Variants in SPRR2B observed in about 807,000 individuals in gnomAD.
The protein encoded by SPRR2B is small proline-rich protein 2B.
Under a neutral mutation model 1.0 loss-of-function variants are expected in SPRR2B, and 1 was observed. The ratio of observed to expected loss-of-function variants is 1.01; its 90% CI spans 0.36 to 4.77. The LOEUF (loss-of-function observed/expected upper bound fraction) is 4.77, where lower values mean the gene tolerates loss of function less well. Among genes scored for constraint, SPRR2B ranks in the 30% most tolerant of loss-of-function variants. SPRR2B has a pLI of 0.16. For synonymous variants in SPRR2B, 27 were observed against 33.4 expected (o/e 0.81, Z 0.66); for missense variants, 53 against 88.7 (o/e 0.60, Z 1.62).
chr1:153,079,620 G>A, the SPRR2B span, among the ~76,000 whole-genome samples: 1 of 152,110 alleles, frequency 6.6e-6, no homozygotes, highest in South Asian at 2.1e-4. Flanking sequence ...ATTAAATAAG[G>A]AATCCTTTCC....
the SPRR2B span, among the ~76,000 whole-genome samples, chr1:153,080,323 T>C: frequency 1.3e-5 from 2 of 152,020 alleles, no homozygotes; most frequent in African/African-American, 4.8e-5. Context: ...TTGGACCAAA[T>C]AGACAAATAT....
At chr1:153,076,404 T>C (rs77589830), upstream of SPRR2B, among the ~76,000 whole-genome samples, 521 of 152,316 alleles carry the variant, frequency 3.4e-3, 1 homozygote, top group African/African-American at 0.012. Flanking sequence ...AATGATGGAA[T>C]AATTCAGATA....
At chr1:153,083,418 A>T in the SPRR2B span, among the ~76,000 whole-genome samples, 1 of 152,182 alleles carries the variant, frequency 6.6e-6, no homozygotes, top group Non-Finnish European at 1.5e-5. Flanking sequence ...TATGATGCAC[A>T]AAAGACTCAA....
At chr1:153,078,736 G>A in the SPRR2B span, among the ~76,000 whole-genome samples, 1 of 152,164 alleles carries the variant, frequency 6.6e-6, no homozygotes, top group African/African-American at 2.4e-5. Flanking sequence ...GTGTATATGT[G>A]CCACATTTTC....
upstream of SPRR2B, among the ~76,000 whole-genome samples, chr1:153,076,370 T>C (rs1381755425): frequency 1.3e-5 from 2 of 152,200 alleles, no homozygotes; most frequent in Non-Finnish European, 2.9e-5. Context: ...TTAGTGTTAA[T>C]GAGATTCAGA....
the SPRR2B span, among the ~76,000 whole-genome samples, chr1:153,079,645 T>C: frequency 1.3e-5 from 2 of 152,224 alleles, no homozygotes; most frequent in African/African-American, 2.4e-5. Context: ...TGCTTGTTTT[T>C]GTCAGGTTTG....
At chr1:153,079,432 C>T in the SPRR2B span, among the ~76,000 whole-genome samples, 1 of 152,146 alleles carries the variant, frequency 6.6e-6, no homozygotes, top group African/African-American at 2.4e-5. Context: ...GGCATGAAGT[C>T]CTTGCCCATG....
upstream of SPRR2B, among the ~76,000 whole-genome samples, chr1:153,073,461 C>T (rs1654713135): frequency 6.6e-6 from 1 of 152,084 alleles, no homozygotes; most frequent in South Asian, 2.1e-4. Context: ...TGAGAACACC[C>T]CACTCAAACA....
At chr1:153,076,505 A>G (rs568083366), upstream of SPRR2B, among the ~76,000 whole-genome samples, 9 of 152,340 alleles carry the variant, frequency 5.9e-5, no homozygotes, top group East Asian at 1.7e-3. Flanking sequence ...AAAGAAACAC[A>G]AACAAAATTG....
chr1:153,079,683 A>T, the SPRR2B span, among the ~76,000 whole-genome samples: 77 of 152,046 alleles, frequency 5.1e-4, no homozygotes, highest in African/African-American at 1.6e-3. Context: ...GTAGATATGC[A>T]GCATTATTTC....
the SPRR2B span, among the ~76,000 whole-genome samples, chr1:153,082,479 T>C: frequency 2.0e-5 from 3 of 152,316 alleles, no homozygotes; most frequent in East Asian, 5.8e-4. Flanking sequence ...AACAATTTAA[T>C]ATATTTTAAA....
At chr1:153,084,326 GCT>G in the SPRR2B span, among the ~76,000 whole-genome samples, 125 of 152,202 alleles carry the variant, frequency 8.2e-4, no homozygotes, top group Non-Finnish European at 1.6e-3. Context: ...AGTACAGTCA[GCT>G]TCCTTCTCCC....
At chr1:153,082,186 A>C in the SPRR2B span, among the ~76,000 whole-genome samples, 5,669 of 152,280 alleles carry the variant, frequency 0.037, 364 homozygotes, top group African/African-American at 0.13. Context: ...AAAAGGCAAT[A>C]AAATAGCTTT....
chr1:153,073,570 G>A (rs1390421979), upstream of SPRR2B, among the ~76,000 whole-genome samples: 6 of 152,014 alleles, frequency 3.9e-5, no homozygotes, highest in Non-Finnish European at 8.8e-5. Flanking sequence ...TGGTGAACTG[G>A]AAACTCAGAG....
the SPRR2B span, among the ~76,000 whole-genome samples, chr1:153,076,739 AT>A: frequency 2.0e-5 from 3 of 152,360 alleles, no homozygotes; most frequent in Admixed American, 2.0e-4. Context: ...ACACAAAATA[AT>A]GTGCATTCAA....
the SPRR2B span, among the ~76,000 whole-genome samples, chr1:153,085,675 G>A: frequency 1.3e-5 from 2 of 152,290 alleles, no homozygotes; most frequent in East Asian, 3.9e-4. Context: ...TTCAGAAAAT[G>A]CAGAGAACCC....
chr1:153,087,642 T>C, the SPRR2B span, among the ~76,000 whole-genome samples: 2 of 150,554 alleles, frequency 1.3e-5, no homozygotes, highest in Admixed American at 6.6e-5. Flanking sequence ...CTAGAAAATA[T>C]AGAAAAAACA....
At chr1:153,084,909 T>A in the SPRR2B span, among the ~76,000 whole-genome samples, 2 of 152,118 alleles carry the variant, frequency 1.3e-5, no homozygotes, top group African/African-American at 2.4e-5. Flanking sequence ...CAGTCCAGGA[T>A]TTGGGAGCTG....
the SPRR2B span, among the ~76,000 whole-genome samples, chr1:153,085,400 C>T: frequency 6.6e-6 from 1 of 151,902 alleles, no homozygotes; most frequent in African/African-American, 2.4e-5. Context: ...CAATCACAAG[C>T]ATTAACATCT....
Sources: allele counts gnomAD v4.1 joint callset (sites outside exome capture counted in the v4.1 genomes callset), GRCh38; gene constraint gnomAD v4.1.1; transcripts MANE v1.5; gene names NCBI Gene and HGNC (gene_info 2026-07-23, HGNC 2026-07-21).